OTOG: variants seen among roughly 807,000 people sequenced by gnomAD.
OTOG encodes otogelin.
Under a neutral mutation model 313.8 loss-of-function variants are expected in OTOG, and 296 were observed. That is an observed-to-expected ratio of 0.94 (90% CI 0.86 to 1.04). The LOEUF is 1.04. OTOG is among the 50% of genes least tolerant of loss of function. The pLI, the probability that OTOG is intolerant of heterozygous loss-of-function variation, is 0.00. For missense variants in OTOG, 3,948 were observed against 3,840.1 expected, an observed-to-expected ratio of 1.03 and a Z score of -0.74; for synonymous variants, 1,533 against 1,554.9, an observed-to-expected ratio of 0.99 and a Z score of 0.33.
chr11:17,608,222 G>T, intron 33 of OTOG, 74 bp from the exon 34 acceptor site: 1 of 1,010,922 alleles, frequency 9.9e-7, no homozygotes, highest in East Asian at 3.0e-5. Context: ...ACAGGATGGG[G>T]GGCAGGGCTG....
chr11:17,628,884 G>C (rs1264865658), intron 39 of OTOG, among the ~76,000 whole-genome samples: 1 of 152,204 alleles, frequency 6.6e-6, no homozygotes, highest in Non-Finnish European at 1.5e-5. Flanking sequence ...CTTGCCTCCT[G>C]TTGTTGCATT....
Position 17,596,992 on chromosome 11 carries a change from A to AC in OTOG, c.3673dup (p.Arg1225ProfsTer6), listed in dbSNP as rs1158965972. On this transcript the variant is annotated frameshift_variant, in exon 30 of 56. Transcript: ENST00000399397. LOFTEE classifies it high-confidence loss of function. The stretch of plus-strand genomic sequence containing the variant: ...GCATGGGGTGGCTGTTGACTGGCGA[A>AC]CCCCCCGCCTCTGCCGTGAGTGTCC... 4.6e-6 allele frequency: 7 copies of AC among 1,536,036 alleles called. No individual in the cohort carries two copies. Among genetic ancestry groups the AC allele is most frequent in the Non-Finnish European group, 6.1e-6 (7 of 1,141,680 alleles).
intron 34 of OTOG, among the ~76,000 whole-genome samples, chr11:17,608,799 C>T (rs1323686244): frequency 1.3e-5 from 2 of 152,106 alleles, no homozygotes; most frequent in Admixed American, 1.3e-4. Context: ...GGAGGGGGTA[C>T]ATGAGGCCAT....
At chr11:17,573,038 G>T in intron 18 of OTOG, 40 bp from the exon 19 acceptor site, 1 of 1,492,518 alleles carries the variant, frequency 6.7e-7, no homozygotes. Flanking sequence ...CAGGTAGACC[G>T]ACTCCCCTGA....
chr11:17,612,801 A>G (rs1853595295), intron 38 of OTOG, 36 bp downstream of exon 38: 1 of 1,543,494 alleles, frequency 6.5e-7, no homozygotes, highest in African/African-American at 1.4e-5. Flanking sequence ...GCTGGGGACT[A>G]GGAATGGGAC....
chr11:17,575,062 G>C, intron 20 of OTOG, 150 bp downstream of exon 20: 1 of 764,154 alleles, frequency 1.3e-6, no homozygotes, highest in Non-Finnish European at 2.0e-6. Flanking sequence ...AGGTGGGTGG[G>C]CTCCCTCCTT....
intron 10 of OTOG, 124 bp from the exon 11 acceptor site, chr11:17,558,928 G>C: frequency 1.2e-6 from 1 of 825,564 alleles, no homozygotes; most frequent in Non-Finnish European, 2.0e-6. Context: ...GCCTTCCTGG[G>C]CAGCCTTTCC....
At chr11:17,629,054 G>A in intron 39 of OTOG, 79 bp from the exon 40 acceptor site, 1 of 1,345,176 alleles carries the variant, frequency 7.4e-7, no homozygotes, top group Non-Finnish European at 1.0e-6. Flanking sequence ...ATGGATGAAT[G>A]GATGGACGGA....
chr11:17,604,492 C>T (rs2060344979), intron 32 of OTOG, among the ~76,000 whole-genome samples: 1 of 152,198 alleles, frequency 6.6e-6, no homozygotes, highest in African/African-American at 2.4e-5. Context: ...GATAGCTGGG[C>T]TCTGGTCTCA....
chr11:17,642,082 G>A (rs1169838307), intron 52 of OTOG, 45 bp from the exon 53 acceptor site: 2 of 1,518,916 alleles, frequency 1.3e-6, no homozygotes, highest in Admixed American at 2.0e-5. Context: ...TGCGCAGGCT[G>A]TCCATCTGGC....
intron 10 of OTOG, 103 bp from the exon 11 acceptor site, chr11:17,558,949 G>T (rs562409790): frequency 1.1e-5 from 10 of 934,054 alleles, no homozygotes; most frequent in Non-Finnish European, 1.7e-5. Flanking sequence ...CAGCTGGGTG[G>T]AGAGGAGAGA....
At chr11:17,623,267 T>C (rs918265943) in intron 39 of OTOG, among the ~76,000 whole-genome samples, 1 of 152,150 alleles carries the variant, frequency 6.6e-6, no homozygotes, top group Non-Finnish European at 1.5e-5. Flanking sequence ...CTAGTACTCA[T>C]TAGTTATTTT....
intron 3 of OTOG, among the ~76,000 whole-genome samples, chr11:17,549,827 G>A (rs1444861930): frequency 1.3e-5 from 2 of 152,094 alleles, no homozygotes; most frequent in Non-Finnish European, 2.9e-5. Context: ...AATTAGAATG[G>A]CCTCCCTCTA....
chr11:17,631,378 C>CTCTGTG (rs375572156), intron 40 of OTOG, among the ~76,000 whole-genome samples: 16 of 128,812 alleles, frequency 1.2e-4, no homozygotes, highest in African/African-American at 4.8e-4. Context: ...CTCTCTCTCT[C>CTCTGTG]TGTGTGTGTG....
intron 25 of OTOG, 33 bp downstream of exon 25, chr11:17,591,621 C>G (rs1290501934): frequency 1.3e-6 from 2 of 1,548,896 alleles, no homozygotes; most frequent in Admixed American, 3.9e-5. Flanking sequence ...CCAGTTGGCT[C>G]CATGCACAGC....
chr11:17,592,230 G>A (rs1046755408), intron 25 of OTOG, among the ~76,000 whole-genome samples: 26 of 152,146 alleles, frequency 1.7e-4, no homozygotes, highest in African/African-American at 6.3e-4. Flanking sequence ...GGGACCTTGG[G>A]TTTGCTAATA....
intron 43 of OTOG, 25 bp downstream of exon 43, chr11:17,633,899 G>A (rs1854194733): frequency 1.3e-6 from 2 of 1,507,534 alleles, no homozygotes; most frequent in East Asian, 2.5e-5. Context: ...TCCCTGAGTG[G>A]GGGGCCTCCA....
intron 40 of OTOG, 118 bp downstream of exon 40, chr11:17,629,434 C>T (rs1854063321): frequency 8.3e-7 from 1 of 1,204,448 alleles, no homozygotes; most frequent in Admixed American, 2.7e-5. Context: ...GAGGTTGGAG[C>T]AGCAGAGCTG....
intron 8 of OTOG, 69 bp from the exon 9 acceptor site, chr11:17,558,116 G>C: frequency 7.2e-6 from 11 of 1,525,462 alleles, no homozygotes; most frequent in Non-Finnish European, 9.7e-6. Context: ...CTTTCCCTCA[G>C]AGCCTTCTGT....
Sources: gnomAD v4.1 joint callset for allele counts (sites outside exome capture counted in the v4.1 genomes callset) on GRCh38, gnomAD v4.1.1 for gene constraint, MANE v1.5 for transcripts, NCBI Gene and HGNC (gene_info 2026-07-23, HGNC 2026-07-21) for gene names.